The following SLC35D4 variants were observed in gnomAD, a reference collection of about 807,000 sequenced individuals.
The protein encoded by SLC35D4 is solute carrier family 35 member D4, also known as UDP-N-acetylglucosamine transporter SLC35D4.
the SLC35D4 span, among the ~76,000 whole-genome samples, chr18:23,341,327 G>A: frequency 6.6e-6 from 1 of 152,172 alleles, no homozygotes; most frequent in Admixed American, 6.5e-5. Flanking sequence ...AGTATTCTCA[G>A]ATCTGAGGAA....
chr18:23,413,932 A>C, the SLC35D4 span, among the ~76,000 whole-genome samples: 1 of 139,324 alleles, frequency 7.2e-6, no homozygotes, highest in Non-Finnish European at 1.5e-5. Flanking sequence ...CGACAGAGGG[A>C]GGCTCCGCCT....
chr18:23,385,035 T>C, the SLC35D4 span: 2 of 1,613,704 alleles, frequency 1.2e-6, no homozygotes, highest in Non-Finnish European at 1.7e-6. Context: ...TAACTTCAGC[T>C]ACATTATGCA....
At chr18:23,297,506 A>G in the SLC35D4 span, 1 of 152,102 alleles carries the variant, frequency 6.6e-6, no homozygotes, top group South Asian at 2.1e-4. Context: ...CGATAGAGTG[A>G]GGCCTTGTCT....
the SLC35D4 span, chr18:23,297,941 C>T: frequency 3.2e-6 from 5 of 1,577,492 alleles, no homozygotes; most frequent in Non-Finnish European, 4.3e-6. Context: ...AGACCAGGGG[C>T]TCGTACACAG....
chr18:23,371,302 C>T, the SLC35D4 span: 1 of 740,894 alleles, frequency 1.3e-6, no homozygotes, highest in Non-Finnish European at 2.1e-6. Context: ...TCAAGGTTGC[C>T]CAGGCTGGTC....
chr18:23,309,549 G>T, the SLC35D4 span: 1 of 720,742 alleles, frequency 1.4e-6, no homozygotes, highest in Non-Finnish European at 2.4e-6. Flanking sequence ...TCGCTAATAT[G>T]AGATTTGCAT....
the SLC35D4 span, among the ~76,000 whole-genome samples, chr18:23,282,666 G>A: frequency 1.3e-5 from 2 of 152,228 alleles, no homozygotes; most frequent in African/African-American, 2.4e-5. Context: ...CCACAACCCA[G>A]TGACCCCAGG....
chr18:23,412,254 G>A, the SLC35D4 span, among the ~76,000 whole-genome samples: 117 of 152,288 alleles, frequency 7.7e-4, no homozygotes, highest in East Asian at 0.013. Flanking sequence ...AGGAGGTGGA[G>A]GTTGCAGAGC....
chr18:23,370,475 GCAGT>G, the SLC35D4 span, among the ~76,000 whole-genome samples: 1 of 152,144 alleles, frequency 6.6e-6, no homozygotes, highest in African/African-American at 2.4e-5. Flanking sequence ...CTATGATAAC[GCAGT>G]CAGTCCTTCC....
chr18:23,368,336 T>G, the SLC35D4 span, among the ~76,000 whole-genome samples: 1 of 152,158 alleles, frequency 6.6e-6, no homozygotes, highest in African/African-American at 2.4e-5. Flanking sequence ...GGACACCCCT[T>G]GGGCCTGGGA....
chr18:23,394,988 A>AG, the SLC35D4 span, among the ~76,000 whole-genome samples: 1 of 151,306 alleles, frequency 6.6e-6, no homozygotes, highest in African/African-American at 2.4e-5. Context: ...CATCTCAAAA[A>AG]AAAAAAAAAA....
chr18:23,397,259 T>C, the SLC35D4 span, among the ~76,000 whole-genome samples: 1 of 152,168 alleles, frequency 6.6e-6, no homozygotes, highest in African/African-American at 2.4e-5. Context: ...CCAATCAACA[T>C]AATTCCAACC....
chr18:23,376,327 T>C, the SLC35D4 span, among the ~76,000 whole-genome samples: 1 of 151,058 alleles, frequency 6.6e-6, no homozygotes, highest in Admixed American at 6.6e-5. Context: ...GATGTCACTG[T>C]ACCCAATGGA....
the SLC35D4 span, among the ~76,000 whole-genome samples, chr18:23,367,434 C>T: frequency 6.6e-6 from 1 of 152,218 alleles, no homozygotes; most frequent in East Asian, 1.9e-4. Context: ...CCACAGTGGG[C>T]TTTAGCAGCA....
chr18:23,422,534 A>G, the SLC35D4 span, among the ~76,000 whole-genome samples: 1 of 151,934 alleles, frequency 6.6e-6, no homozygotes, highest in African/African-American at 2.4e-5. Flanking sequence ...GGCTCTCATC[A>G]TCTCATGCCT....
the SLC35D4 span, among the ~76,000 whole-genome samples, chr18:23,264,850 G>A: frequency 6.6e-6 from 1 of 151,088 alleles, no homozygotes; most frequent in Non-Finnish European, 1.5e-5. Context: ...TCACCATGTT[G>A]CTCAGGCTGG....
At chr18:23,383,869 C>A in the SLC35D4 span, among the ~76,000 whole-genome samples, 1 of 151,882 alleles carries the variant, frequency 6.6e-6, no homozygotes, top group East Asian at 2.0e-4. Flanking sequence ...ATTGACAGGG[C>A]CACCTCCAAG....
the SLC35D4 span, among the ~76,000 whole-genome samples, chr18:23,418,349 A>AATT: frequency 0.23 from 32,383 of 142,404 alleles, 3,969 homozygotes; most frequent in South Asian, 0.3. Context: ...GAGAAGCCAA[A>AATT]ATTATTATTA....
chr18:23,314,421 G>C, the SLC35D4 span, among the ~76,000 whole-genome samples: 2 of 152,188 alleles, frequency 1.3e-5, no homozygotes, highest in African/African-American at 4.8e-5. Flanking sequence ...TGAGAGTCAT[G>C]CTCCAGATGT....
Sources: allele counts gnomAD v4.1 joint callset (sites outside exome capture counted in the v4.1 genomes callset), GRCh38; gene constraint gnomAD v4.1.1; transcripts MANE v1.5; gene names NCBI Gene and HGNC (gene_info 2026-07-23, HGNC 2026-07-21).